The following SMTN variants were observed in gnomAD, a reference collection of about 807,000 sequenced individuals.
SMTN encodes smoothelin.
Under a neutral mutation model 102.0 loss-of-function variants are expected in SMTN, and 58 were observed. The ratio of observed to expected loss-of-function variants is 0.57; its 90% CI spans 0.46 to 0.71. The LOEUF (loss-of-function observed/expected upper bound fraction) is 0.71, where lower values mean the gene tolerates loss of function less well. SMTN is among the 30% of genes least tolerant of loss of function. The pLI is 0.00. For synonymous variants in SMTN, 478 were observed against 497.9 expected (o/e 0.96, Z 0.53); for missense variants, 1,185 against 1,241.7 (o/e 0.95, Z 0.69).
chr22:31,093,877 G>T (rs774731864), intron 11 of SMTN: 7 of 1,556,840 alleles, frequency 4.5e-6, no homozygotes, highest in Admixed American at 1.8e-5. Flanking sequence ...CACTAGTCTC[G>T]TAAGTGCTTC....
intron 1 of SMTN, among the ~76,000 whole-genome samples, chr22:31,073,255 ACACGCACG>A (rs1033932865): frequency 6.6e-6 from 1 of 151,870 alleles, no homozygotes; most frequent in Non-Finnish European, 1.5e-5. Context: ...ACACACATAC[ACACGCACG>A]CACGCATGCA....
Position 31,098,807 on chromosome 22 carries a change from T to A in SMTN, c.2300T>A (p.Met767Lys). Residue 767 changes from methionine to lysine, a missense_variant, in exon 17 of 21, where the codon ATG (methionine) becomes AAG (lysine). Around this residue, in one of 2 missense-constraint regions of SMTN, gnomAD observed 1,096 missense variants for 1,112.7 expected, o/e 0.98. Transcript: ENST00000333137. ...TCAGCCTCCCAGGCGCGCAAGGCCA[T>A]GATTGAGAAGCTGGAGAAGGAGGGC... ...KTSASQARKA[M>K]IEKLEKEGAA... 1 of 1,611,398 alleles carries A rather than the reference T, an allele frequency of 6.2e-7. No individual in the cohort carries two copies. Among genetic ancestry groups the A allele is most frequent in the Admixed American group, 1.7e-5 (1 of 59,896 alleles).
At chr22:31,096,542 A>G in intron 13 of SMTN, 191 bp from the exon 14 acceptor site, 1 of 519,946 alleles carries the variant, frequency 1.9e-6, no homozygotes, top group Non-Finnish European at 3.3e-6. Flanking sequence ...CCCTTCCCAC[A>G]CTCCATTCCC....
Position 31,091,216 on chromosome 22 carries a change from G to C in SMTN, c.1193G>C (p.Arg398Pro). ...TCCTCCCGGTTCAGCAAGGAGCAAC[G>C]AGGAGTAGCCCAGCCCCTGGCCCAG... ...DTSSRFSKEQRGVAQPLAQLR... is the reference protein window; with the variant it reads ...DTSSRFSKEQPGVAQPLAQLR... Residue 398 changes from arginine (R) to proline (P), a missense_variant, in exon 10 of 21, where the codon CGA (arginine) becomes CCA (proline). Physicochemically the swap from Arg to Pro is moderately radical, Grantham distance 103. Around this residue, in one of 2 missense-constraint regions of SMTN, gnomAD observed 1,096 missense variants for 1,112.7 expected, o/e 0.98. Coordinates refer to ENST00000333137, the MANE Select transcript of SMTN (RefSeq NM_134269.3). 1 of 1,611,702 alleles carries C rather than the reference G, an allele frequency of 6.2e-7. No individual in the cohort carries two copies. The highest frequency in any genetic ancestry group is 1.3e-5 in the African/African-American group (1 of 74,978).
intron 17 of SMTN, 85 bp from the exon 18 acceptor site, chr22:31,098,977 A>G (rs1348199314): frequency 6.5e-7 from 1 of 1,539,064 alleles, no homozygotes; most frequent in East Asian, 2.2e-5. Flanking sequence ...AGGTCATGGA[A>G]GGCGGGGCCT....
chr22:31,082,264 T>C, intron 1 of SMTN: 1 of 229,862 alleles, frequency 4.4e-6, no homozygotes, highest in East Asian at 1.1e-4. Context: ...TAGTTGGGGC[T>C]ACAGGAGGAA....
At chr22:31,076,813 G>A (rs2042139862), upstream of SMTN, among the ~76,000 whole-genome samples, 1 of 152,114 alleles carries the variant, frequency 6.6e-6, no homozygotes, top group Non-Finnish European at 1.5e-5. Context: ...TAGAGAGAAG[G>A]GTTTGCTGGG....
intron 2 of SMTN, among the ~76,000 whole-genome samples, chr22:31,087,451 C>A (rs1320779984): frequency 6.6e-6 from 1 of 152,218 alleles, no homozygotes; most frequent in African/African-American, 2.4e-5. Context: ...CTCCTGAGCA[C>A]CTGTCCTCAG....
At chr22:31,098,872 G>T (rs1371411447) in intron 17 of SMTN, 32 bp downstream of exon 17, 1 of 1,547,220 alleles carries the variant, frequency 6.5e-7, no homozygotes, top group Non-Finnish European at 8.8e-7. Flanking sequence ...GGCAGTGGGG[G>T]GCGGGGCGTG....
chr22:31,100,499 T>C (rs1409183678), intron 19 of SMTN, among the ~76,000 whole-genome samples: 2 of 148,942 alleles, frequency 1.3e-5, no homozygotes, highest in Non-Finnish European at 3.0e-5. Flanking sequence ...CCACCTCCTC[T>C]CACGCCTCCC....
At chr22:31,087,892 A>C in intron 2 of SMTN, 73 bp from the exon 3 acceptor site, 1 of 1,462,470 alleles carries the variant, frequency 6.8e-7, no homozygotes, top group Non-Finnish European at 9.2e-7. Flanking sequence ...TGCCCTAGGC[A>C]GAGCCGTGGG....
At chr22:31,072,517 C>A (rs376103709) in intron 1 of SMTN, among the ~76,000 whole-genome samples, 10 of 152,144 alleles carry the variant, frequency 6.6e-5, no homozygotes, top group African/African-American at 2.4e-4. Context: ...GGCTGGAGGG[C>A]AATGCACGAT....
At chr22:31,098,898 C>A in intron 17 of SMTN, 58 bp downstream of exon 17, 1 of 1,478,952 alleles carries the variant, frequency 6.8e-7, no homozygotes. Flanking sequence ...CAGTGGGGGG[C>A]GGGGCTTGAT....
At position 31,084,143 on chromosome 22, in the gene SMTN, T is replaced by C. The variant is rs1330039262; in HGVS notation, c.51+834T>C. 5.3e-5 allele frequency among the ~76,000 whole-genome samples: 8 copies of C among 152,300 alleles called. No homozygotes were observed. In the East Asian group the frequency reaches 9.7e-4, roughly 18 times the overall value. On this transcript the variant is annotated intron_variant, in intron 2 of 20. Transcript: ENST00000333137. The stretch of plus-strand genomic sequence containing the variant: ...TGTTCCTCTTCCTGAGAGCCCTGTC[T>C]ACCTCCATGCACAGAGGCCGTAGGG...
chr22:31,100,792 C>A, intron 19 of SMTN, 93 bp from the exon 20 acceptor site: 1 of 661,782 alleles, frequency 1.5e-6, no homozygotes. Context: ...TTCCTCCCCT[C>A]TCTCTTCTCT....
Position 31,091,817 on chromosome 22 carries a change from C to A in SMTN, c.1602C>A (p.Pro534=). Residue 534 remains proline, a synonymous_variant, in exon 11 of 21, where the codon CCC becomes CCA. Transcript: ENST00000333137. ...ATGTCACCAGCTTCAGCCATGCCCC[C>A]CCCAGTAGCCGAGGAGGCTGCAGCA... ...VTHVTSFSHA[P]PSSRGGCSIK... is the part of the protein sequence containing the mutation. 2 of 1,601,576 alleles carry A rather than the reference C, an allele frequency of 1.2e-6. No homozygotes were observed. Among genetic ancestry groups the A allele is most frequent in the Non-Finnish European group, 8.5e-7 (1 of 1,173,280 alleles).
At chr22:31,064,752 G>A (rs1254255534) in intron 1 of SMTN, 3 of 152,100 alleles carry the variant, frequency 2.0e-5, no homozygotes, top group African/African-American at 7.2e-5. Flanking sequence ...TTACAGAAAC[G>A]TTGCAAAAAT....
In SMTN at chr22:31,092,687, A is replaced by G. The variant is rs549297658; in HGVS notation, c.1632+840A>G. ...AAGCAGGATCCAGCTGCCCTCTGAC[A>G]AGGGATTGTGTGGGGTGGGGTGGGG... On this transcript the variant is annotated intron_variant, in intron 11 of 20. Coordinates refer to ENST00000333137, the MANE Select transcript of SMTN (RefSeq NM_134269.3). Among the ~76,000 whole-genome samples the G allele has an allele frequency of 2.1e-4, 32 of 152,206 alleles. No individual in the cohort carries two copies. In the East Asian group the frequency reaches 6.2e-3, roughly 29 times the overall value.
At chr22:31,100,296 G>A (rs996858200) in intron 19 of SMTN, among the ~76,000 whole-genome samples, 4 of 152,014 alleles carry the variant, frequency 2.6e-5, no homozygotes, top group Non-Finnish European at 4.4e-5. Flanking sequence ...CCCGGGCACC[G>A]TGCCCGCCCA....
Sources: gnomAD v4.1 joint callset for allele counts (sites outside exome capture counted in the v4.1 genomes callset) on GRCh38, gnomAD v4.1.1 for gene constraint, gnomAD v4.1.1 regional missense constraint, MANE v1.5 for transcripts, NCBI Gene and HGNC (gene_info 2026-07-23, HGNC 2026-07-21) for gene names.